Variants in ZC3HC1 observed in about 807,000 individuals in gnomAD.
The protein encoded by ZC3HC1 is zinc finger C3HC-type containing 1, also known as zinc finger C3HC-type protein 1.
In ZC3HC1, 38 loss-of-function variants were observed where a neutral mutation model predicts 61.9. The ratio of observed to expected loss-of-function variants is 0.61; its 90% CI spans 0.47 to 0.81. The LOEUF (loss-of-function observed/expected upper bound fraction) is 0.81, where lower values mean the gene tolerates loss of function less well. ZC3HC1 is among the 30% of genes least tolerant of loss of function. ZC3HC1 has a pLI of 0.00. For synonymous variants in ZC3HC1, 213 were observed against 229.9 expected (o/e 0.93, Z 0.67); for missense variants, 554 against 622.7 (o/e 0.89, Z 1.17).
At chr7:130,019,113 G>C (rs1276901543) in intron 9 of ZC3HC1, among the ~76,000 whole-genome samples, 2 of 150,942 alleles carry the variant, frequency 1.3e-5, no homozygotes, top group Non-Finnish European at 2.9e-5. Context: ...GAGTGCAGTG[G>C]CGCAATCTCG....
chr7:130,023,450 C>T lies in ZC3HC1; in HGVS notation c.1233+61G>A. The stretch of plus-strand genomic sequence containing the variant: ...GGCTCCTGCCTGCTTCTCCATGCTG[C>T]CTAGGGAGGGCCCAATATGCTGTTT... On this transcript the variant is annotated intron_variant, in intron 8 of 9. Coordinates refer to ENST00000358303, the MANE Select transcript of ZC3HC1 (RefSeq NM_016478.5). The surrounding 1 kb of genome is among the most constrained non-coding windows in gnomAD (Gnocchi z 4.2). The T allele has an allele frequency of 1.3e-6, 2 of 1,540,918 alleles. No homozygotes were observed. The highest frequency in any genetic ancestry group is 1.2e-5 in the South Asian group (1 of 86,826).
At chr7:130,033,263 G>T (rs1479608163) in intron 4 of ZC3HC1, among the ~76,000 whole-genome samples, 1 of 151,960 alleles carries the variant, frequency 6.6e-6, no homozygotes, top group Non-Finnish European at 1.5e-5. Context: ...TGAATTCCTG[G>T]ACTCAAGCAA....
chr7:130,022,636 T>A, intron 8 of ZC3HC1, 111 bp from the exon 9 acceptor site: 2 of 1,131,858 alleles, frequency 1.8e-6, no homozygotes, highest in Non-Finnish European at 1.3e-6. Context: ...ATACTTCGAG[T>A]GTTTATGCTC....
In ZC3HC1 at chr7:130,051,372, T is replaced by C. The variant is rs1335409655; in HGVS notation, c.-6A>G. 3 of 1,612,628 alleles carry C rather than the reference T, an allele frequency of 1.9e-6. No homozygotes were observed. Among genetic ancestry groups the C allele is most frequent in the South Asian group, 2.2e-5 (2 of 90,820 alleles). ...CCCTCACAGGGCGCCGCCATCTTGG[T>C]CCGCTGCCGAGTTGCTTCCCCGAGA... On this transcript the variant is annotated 5_prime_UTR_variant, in exon 1 of 10. Coordinates refer to ENST00000358303, the MANE Select transcript of ZC3HC1 (RefSeq NM_016478.5).
intron 3 of ZC3HC1, 42 bp downstream of exon 3, chr7:130,040,909 A>G: frequency 6.4e-7 from 1 of 1,572,678 alleles, no homozygotes; most frequent in Non-Finnish European, 8.6e-7. Context: ...GATAGTATAT[A>G]TTTGAGTGTG....
chr7:130,040,055 T>G (rs1269272623), intron 3 of ZC3HC1, among the ~76,000 whole-genome samples: 1 of 151,600 alleles, frequency 6.6e-6, no homozygotes, highest in African/African-American at 2.4e-5. Flanking sequence ...TTCCAAAGTG[T>G]GAGACTTCAT....
chr7:130,020,402 C>T (rs939621350), intron 9 of ZC3HC1, among the ~76,000 whole-genome samples: 18 of 151,324 alleles, frequency 1.2e-4, no homozygotes, highest in African/African-American at 4.1e-4. Flanking sequence ...ACTGGGATTA[C>T]AGGTGCACAC....
intron 4 of ZC3HC1, among the ~76,000 whole-genome samples, chr7:130,029,817 A>G (rs914092653): frequency 6.6e-6 from 1 of 152,222 alleles, no homozygotes; most frequent in African/African-American, 2.4e-5. Flanking sequence ...CCATCATTTT[A>G]TAACTACCAA....
At chr7:130,027,855 A>G (rs1361229952) in intron 5 of ZC3HC1, among the ~76,000 whole-genome samples, 1 of 151,832 alleles carries the variant, frequency 6.6e-6, no homozygotes, top group Non-Finnish European at 1.5e-5. Flanking sequence ...TCACAAGGAG[A>G]AAGGAGTTTG....
At chr7:130,035,082 T>G (rs1794376742) in intron 4 of ZC3HC1, among the ~76,000 whole-genome samples, 1 of 152,106 alleles carries the variant, frequency 6.6e-6, no homozygotes, top group South Asian at 2.1e-4. Flanking sequence ...TACCCACTGT[T>G]GCTGGTCTTT....
chr7:130,047,599 A>C lies in ZC3HC1; in HGVS notation c.258+1434T>G, dbSNP rs532687669. ...GGCAGCATAATTGCTTGAGGCCAGG[A>C]GTTCGAGACCTGCCTGGGCAACATA... On this transcript the variant is annotated intron_variant, in intron 2 of 9. Coordinates refer to ENST00000358303, the MANE Select transcript of ZC3HC1 (RefSeq NM_016478.5). Among the ~76,000 whole-genome samples the C allele has an allele frequency of 2.0e-5, 3 of 151,306 alleles. No homozygotes were observed. The South Asian group carries it at 6.3e-4, about 32-fold the overall frequency.
intron 2 of ZC3HC1, among the ~76,000 whole-genome samples, chr7:130,045,982 G>A (rs1050203026): frequency 1.3e-5 from 2 of 151,416 alleles, no homozygotes; most frequent in Non-Finnish European, 2.9e-5. Flanking sequence ...TAAAAGGAAC[G>A]AGATCATGTC....
intron 4 of ZC3HC1, among the ~76,000 whole-genome samples, chr7:130,033,815 T>G (rs79729143): frequency 2.0e-5 from 3 of 152,164 alleles, no homozygotes; most frequent in African/African-American, 7.2e-5. Flanking sequence ...TGGATCCAAG[T>G]TGATTTATTG....
intron 2 of ZC3HC1, among the ~76,000 whole-genome samples, chr7:130,044,261 T>A (rs555706915): frequency 7.9e-5 from 12 of 152,268 alleles, no homozygotes; most frequent in African/African-American, 2.9e-4. Flanking sequence ...CTCAGGCAAT[T>A]CTCCCACCTG....
chr7:130,034,499 A>G (rs1456726334), intron 4 of ZC3HC1, among the ~76,000 whole-genome samples: 1 of 143,244 alleles, frequency 7.0e-6, no homozygotes, highest in Non-Finnish European at 1.5e-5. Context: ...AAAAAAAAAA[A>G]AAAAAAAAAA....
At chr7:130,051,405 G>A (rs1795074391), upstream of ZC3HC1, 5 of 1,611,574 alleles carry the variant, frequency 3.1e-6, no homozygotes, top group Middle Eastern at 1.7e-4. Flanking sequence ...AGAGTTTGAA[G>A]GCTCCGGAAC....
At position 130,023,498 on chromosome 7, in the gene ZC3HC1, G is replaced by A. The variant is rs772745762; in HGVS notation, c.1233+13C>T. ...TTTATGCTCAGCCACTGCTACATGC[G>A]AGGTGGACTCACCGAACTGCTGGAG... On this transcript the variant is annotated intron_variant, in intron 8 of 9. Coordinates refer to ENST00000358303, the MANE Select transcript of ZC3HC1 (RefSeq NM_016478.5). The surrounding 1 kb of genome is among the most constrained non-coding windows in gnomAD (Gnocchi z 4.2). 1.4e-5 allele frequency: 22 copies of A among 1,613,364 alleles called. No homozygotes were observed. Among genetic ancestry groups the A allele is most frequent in the African/African-American group, 1.2e-4 (9 of 74,924 alleles).
In ZC3HC1 at chr7:130,028,954, C is replaced by T. The variant is rs1482675566; in HGVS notation, c.569G>A (p.Cys190Tyr). ...GGAAGGAAGCTGGAGGTCCAAGTGA[C>T]AAAGGCTTTGAAAACGATCTAGGAA... ...SEFLDRFQSL[C>Y]HLDLQLPSLR... The change falls in exon 5 of 10, where the codon TGT becomes TAT. Residue 190 changes from cysteine (C) to tyrosine (Y), a missense_variant. By Grantham distance (194) the Cys-to-Tyr change is radical. Coordinates refer to ENST00000358303, the MANE Select transcript of ZC3HC1 (RefSeq NM_016478.5). The T allele has an allele frequency of 6.2e-7, 1 of 1,613,818 alleles. No homozygotes were observed. The highest frequency in any genetic ancestry group is 1.7e-5 in the Admixed American group (1 of 59,994).
intron 2 of ZC3HC1, 73 bp downstream of exon 2, chr7:130,048,960 A>T: frequency 1.8e-6 from 2 of 1,101,430 alleles, no homozygotes; most frequent in Non-Finnish European, 2.5e-6. Flanking sequence ...GCATCACAGT[A>T]AGTGGTGTAA....
Sources: allele counts gnomAD v4.1 joint callset (sites outside exome capture counted in the v4.1 genomes callset), GRCh38; gene constraint gnomAD v4.1.1; non-coding constraint Gnocchi (gnomAD v3.1); transcripts MANE v1.5; gene names NCBI Gene and HGNC (gene_info 2026-07-23, HGNC 2026-07-21).